FBN2: variants seen among roughly 807,000 people sequenced by gnomAD.
The protein encoded by FBN2 is fibrillin-2.
In FBN2, 105 loss-of-function variants were observed where a neutral mutation model predicts 355.6. That is an observed-to-expected ratio of 0.30 (90% confidence interval 0.25 to 0.35). FBN2 has a LOEUF of 0.35. Ranked by LOEUF, FBN2 falls within the 10% of genes least tolerant of loss-of-function variation. The pLI is 1.00. For synonymous variants in FBN2, 1,350 were observed against 1,301.2 expected (o/e 1.04, Z -0.81); for missense variants, 3,280 against 3,758.7 (o/e 0.87, Z 3.33).
intron 48 of FBN2, among the ~76,000 whole-genome samples, chr5:128,298,637 G>A (rs530722910): frequency 0.012 from 1,786 of 152,272 alleles, 44 homozygotes; most frequent in African/African-American, 0.036. Flanking sequence ...GTCAGCTCCT[G>A]AGGCTTCTGC....
rs1454404846 is a variant in FBN2 at position 128,259,353 on chromosome 5, G to A, written c.*102C>T. 5 of 1,372,230 alleles carry A rather than the reference G, an allele frequency of 3.6e-6. No individual in the cohort carries two copies. Among genetic ancestry groups the A allele is most frequent in the Non-Finnish European group, 5.2e-6 (5 of 962,688 alleles). The allele number at this position is 1,372,230 out of a possible 1,614,324, so 85.0% of individuals were successfully genotyped here. A position where few individuals can be genotyped will look rare whatever the true frequency, so the allele number is the denominator to read the frequency against. On this transcript the variant is annotated 3_prime_UTR_variant, in exon 65 of 65. Coordinates refer to ENST00000262464, the MANE Select transcript of FBN2 (RefSeq NM_001999.4). ...TAAGACAGGGAGGAAAGAAACAAGAGTTATTATTATTTTTCCTCTTTAAAA... is the reference window on the plus strand; with the variant it reads ...TAAGACAGGGAGGAAAGAAACAAGAATTATTATTATTTTTCCTCTTTAAAA...
intron 33 of FBN2, among the ~76,000 whole-genome samples, chr5:128,330,286 G>GT (rs1014525034): frequency 1.3e-5 from 2 of 152,264 alleles, no homozygotes; most frequent in South Asian, 2.1e-4. Context: ...CAAAGCCTGT[G>GT]TTTTTTTAAC....
chr5:128,530,830 T>C (rs1015041011), intron 2 of FBN2, 137 bp from the exon 3 acceptor site: 2 of 660,646 alleles, frequency 3.0e-6, no homozygotes, highest in Non-Finnish European at 5.3e-6. Context: ...TAACTTCAGA[T>C]ATGCAATAAA....
At chr5:128,467,674 G>A (rs540539773) in intron 5 of FBN2, among the ~76,000 whole-genome samples, 1 of 152,230 alleles carries the variant, frequency 6.6e-6, no homozygotes, top group Non-Finnish European at 1.5e-5. Flanking sequence ...TACTTGCAGT[G>A]TGTTAACTAA....
At chr5:128,451,976 C>T (rs901448398) in intron 6 of FBN2, among the ~76,000 whole-genome samples, 8 of 151,990 alleles carry the variant, frequency 5.3e-5, no homozygotes, top group Admixed American at 3.9e-4. Context: ...AAGAACGAAA[C>T]CCTTATTTTT....
At chr5:128,495,457 T>A (rs7734008) in intron 5 of FBN2, among the ~76,000 whole-genome samples, 75,503 of 151,890 alleles carry the variant, frequency 0.5, 22,019 homozygotes, top group African/African-American at 0.82. Flanking sequence ...CCAAGAAGTT[T>A]AACAAAGTTT....
At chr5:128,332,299 A>ATG (rs1442462643) in intron 32 of FBN2, among the ~76,000 whole-genome samples, 1 of 152,184 alleles carries the variant, frequency 6.6e-6, no homozygotes, top group Non-Finnish European at 1.5e-5. Context: ...AAGGCATGTG[A>ATG]AACACTAAGC....
intron 48 of FBN2, among the ~76,000 whole-genome samples, chr5:128,296,960 C>T (rs1475418869): frequency 6.6e-6 from 1 of 152,130 alleles, no homozygotes; most frequent in Non-Finnish European, 1.5e-5. Flanking sequence ...TTCCTGCTTT[C>T]TCTTGTGAGC....
intron 25 of FBN2, 106 bp from the exon 26 acceptor site, chr5:128,339,167 A>G: frequency 8.7e-7 from 1 of 1,145,846 alleles, no homozygotes; most frequent in South Asian, 1.3e-5. Flanking sequence ...GCTGGCTAAC[A>G]GTACAAGGGT....
rs371662763 is a variant in FBN2 at position 128,506,405 on chromosome 5, A to G, written c.628+12868T>C. Among the ~76,000 whole-genome samples the G allele has an allele frequency of 2.0e-5, 3 of 152,182 alleles. No homozygotes were observed. The South Asian group carries it at 6.2e-4, about 32-fold the overall frequency. On this transcript the variant is annotated intron_variant, in intron 5 of 64. Coordinates refer to ENST00000262464, the MANE Select transcript of FBN2 (RefSeq NM_001999.4). ...TGCATCTTTTGCAGAATTATCCATG[A>G]GTATTACATAATAAATAAGATGATG...
At chr5:128,304,060 A>G (rs537045517) in intron 45 of FBN2, among the ~76,000 whole-genome samples, 116 of 152,276 alleles carry the variant, frequency 7.6e-4, no homozygotes, top group African/African-American at 2.7e-3. Flanking sequence ...TGTTGTATGG[A>G]TGTGTCATGA....
chr5:128,531,833 T>C (rs1290286805), intron 2 of FBN2, among the ~76,000 whole-genome samples: 1 of 151,718 alleles, frequency 6.6e-6, no homozygotes, highest in African/African-American at 2.4e-5. Flanking sequence ...TATGTATGGA[T>C]TATTACTTTT....
intron 25 of FBN2, among the ~76,000 whole-genome samples, chr5:128,343,630 G>C (rs1472847212): frequency 6.6e-6 from 1 of 152,162 alleles, no homozygotes; most frequent in Non-Finnish European, 1.5e-5. Context: ...TTCACATCTT[G>C]TTCAAAGAGA....
intron 33 of FBN2, 72 bp from the exon 34 acceptor site, chr5:128,328,893 A>G (rs899336513): frequency 5.9e-6 from 9 of 1,537,340 alleles, no homozygotes; most frequent in African/African-American, 1.4e-5. Flanking sequence ...TGCTCTATAA[A>G]TAGATCAGTT....
chr5:128,271,349 T>C (rs543841394), intron 62 of FBN2, among the ~76,000 whole-genome samples: 51 of 152,330 alleles, frequency 3.3e-4, no homozygotes, highest in African/African-American at 1.2e-3. Context: ...ATTAGGCATA[T>C]GCTAAGTAAG....
intron 20 of FBN2, among the ~76,000 whole-genome samples, chr5:128,356,708 A>C (rs534019353): frequency 6.6e-6 from 1 of 152,360 alleles, no homozygotes; most frequent in Admixed American, 6.5e-5. Context: ...AAATGTTTTG[A>C]GACATATTGA....
intron 7 of FBN2, among the ~76,000 whole-genome samples, chr5:128,414,307 G>A (rs1453122230): frequency 2.6e-5 from 4 of 151,930 alleles, no homozygotes; most frequent in South Asian, 2.1e-4. Flanking sequence ...CAAGCCCTAC[G>A]CAACCACTGA....
chr5:128,332,933 C>T lies in FBN2; in HGVS notation c.4201G>A (p.Gly1401Arg), dbSNP rs1554122552. The T allele has an allele frequency of 6.2e-7, 1 of 1,613,968 alleles. No homozygotes were observed. Among genetic ancestry groups the T allele is most frequent in the Non-Finnish European group, 8.5e-7 (1 of 1,179,898 alleles). Residue 1401 changes from glycine (G) to arginine (R), a missense_variant, in exon 32 of 65, where the codon GGA (glycine) becomes AGA (arginine). Transcript: ENST00000262464. Reference protein sequence around the residue: ...FKCSCREGWIGNGIKCIDLDE... With the variant: ...FKCSCREGWIRNGIKCIDLDE... ...TCACCAATACACTTGATGCCGTTTC[C>T]AATCCAGCCTTCTCTGCAGCTACAC...
chr5:128,394,928 G>T (rs1752607556), intron 9 of FBN2, among the ~76,000 whole-genome samples, 194 bp downstream of exon 9: 1 of 152,112 alleles, frequency 6.6e-6, no homozygotes, highest in Non-Finnish European at 1.5e-5. Flanking sequence ...TGGGATTACA[G>T]GCATGCACCA....
Sources: gnomAD v4.1 joint callset for allele counts (sites outside exome capture counted in the v4.1 genomes callset) on GRCh38, gnomAD v4.1.1 for gene constraint, MANE v1.5 for transcripts, NCBI Gene and HGNC (gene_info 2026-07-23, HGNC 2026-07-21) for gene names.